Variants in SPICE1 observed in about 807,000 individuals in gnomAD.
The protein encoded by SPICE1 is spindle and centriole associated protein 1.
SPICE1 carries 75 observed loss-of-function variants against 102.7 expected under a neutral mutation model. The observed-to-expected ratio is 0.73, with a 90% CI of 0.61 to 0.88. The LOEUF (loss-of-function observed/expected upper bound fraction) is 0.88, where lower values mean the gene tolerates loss of function less well. Among genes scored for constraint, SPICE1 ranks in the 40% least tolerant of loss-of-function variants. The probability of loss-of-function intolerance (pLI) is 0.00; values close to 1 mark genes in which losing one functional copy is unlikely to be tolerated. For missense variants in SPICE1, 979 were observed against 1,020.1 expected, an observed-to-expected ratio of 0.96 and a Z score of 0.55; for synonymous variants, 308 against 350.3, an observed-to-expected ratio of 0.88 and a Z score of 1.35.
intron 7 of SPICE1, among the ~76,000 whole-genome samples, chr3:113,471,985 G>A (rs1318631695): frequency 6.6e-6 from 1 of 152,230 alleles, no homozygotes; most frequent in Non-Finnish European, 1.5e-5. Flanking sequence ...AGCAGGGCAA[G>A]GCATTGCCTC....
intron 7 of SPICE1, among the ~76,000 whole-genome samples, chr3:113,478,794 C>G (rs1463157286): frequency 2.0e-5 from 3 of 151,820 alleles, no homozygotes; most frequent in Non-Finnish European, 4.4e-5. Context: ...GAGTATATAC[C>G]TTCTTCTCAG....
chr3:113,446,648 A>C lies in SPICE1; in HGVS notation c.2455T>G (p.Ser819Ala). 1.2e-6 allele frequency: 2 copies of C among 1,613,712 alleles called. No homozygotes were observed. Among genetic ancestry groups the C allele is most frequent in the Non-Finnish European group, 1.7e-6 (2 of 1,179,778 alleles). The change falls in exon 17 of 18, where the codon TCT becomes GCT. Residue 819 changes from serine (S) to alanine (A), a missense_variant. Transcript: ENST00000295872. ...CTTCCTGAGGTGGCATTTAGTGGAG[A>C]ACAAGAATTACCAGTAGCCCCGGAA... ...RSSGATGNSC[S>A]PLNATSGSGR...
intron 7 of SPICE1, 75 bp from the exon 8 acceptor site, chr3:113,469,313 T>C (rs1559963463): frequency 1.0e-5 from 5 of 488,558 alleles, no homozygotes; most frequent in Non-Finnish European, 1.4e-5. Context: ...AATTAAATGA[T>C]AGCAGGCATT....
chr3:113,494,360 A>G (rs1418679779), intron 4 of SPICE1, among the ~76,000 whole-genome samples: 1 of 152,194 alleles, frequency 6.6e-6, no homozygotes, highest in Non-Finnish European at 1.5e-5. Context: ...AGAAATATTC[A>G]CAATTGGCCG....
In SPICE1 at chr3:113,468,878, G is replaced by C; in HGVS notation, c.773C>G (p.Ala258Gly). 1 of 1,613,064 alleles carries C rather than the reference G, an allele frequency of 6.2e-7. No individual in the cohort carries two copies. Among genetic ancestry groups the C allele is most frequent in the South Asian group, 1.1e-5 (1 of 90,712 alleles). ...AAGCCTGGTTTGGAGTCTCTTGACA[G>C]CATTGGTAGCATTCAGAGCAGCTAA... ...EQRAALNATN[A>G]VKRLQTRLQP... The change falls in exon 9 of 18, where the codon GCT becomes GGT. Residue 258 changes from alanine (A) to glycine (G), a missense_variant. By Grantham distance (60) the Ala-to-Gly change is moderately conservative (BLOSUM62 0). Coordinates refer to ENST00000295872, the MANE Select transcript of SPICE1 (RefSeq NM_144718.4).
At chr3:113,514,869 A>T (rs1937292670) in intron 1 of SPICE1, 28 bp downstream of exon 1, 2 of 1,214,690 alleles carry the variant, frequency 1.6e-6, no homozygotes, top group African/African-American at 1.6e-5. Flanking sequence ...ACGCACAAAC[A>T]TACCCAGACA....
At chr3:113,456,113 T>C (rs1935773343) in intron 13 of SPICE1, among the ~76,000 whole-genome samples, 1 of 152,218 alleles carries the variant, frequency 6.6e-6, no homozygotes, top group Non-Finnish European at 1.5e-5. Flanking sequence ...CATTGCACCA[T>C]ACTGATCTGA....
intron 7 of SPICE1, among the ~76,000 whole-genome samples, chr3:113,476,630 G>A (rs1256264137): frequency 4.6e-4 from 69 of 148,586 alleles, no homozygotes; most frequent in Admixed American, 4.0e-3. Context: ...AAATAACGCC[G>A]CATATCTACA....
In SPICE1 at chr3:113,468,319, A is replaced by G. The variant is rs1936111417; in HGVS notation, c.975T>C (p.Asn325=). 3.1e-6 allele frequency: 5 copies of G among 1,614,140 alleles called. No homozygotes were observed. The highest frequency in any genetic ancestry group is 1.6e-4 in the Middle Eastern group (1 of 6,062). Residue 325 remains asparagine (N), a synonymous_variant, in exon 10 of 18, where the codon AAT becomes AAC. Transcript: ENST00000295872. ...SGSTTSADLP[N]RTNSNLDVLK... Reference sequence around the variant, plus strand: ...GGACATCCAGGTTGGAATTAGTCCTATTTGGTAAGTCTGCAGAGGTTGTGC... The same window carrying G: ...GGACATCCAGGTTGGAATTAGTCCTGTTTGGTAAGTCTGCAGAGGTTGTGC...
At chr3:113,480,855 T>C (rs1010065617) in intron 7 of SPICE1, among the ~76,000 whole-genome samples, 2 of 110,746 alleles carry the variant, frequency 1.8e-5, no homozygotes, top group African/African-American at 8.0e-5. Flanking sequence ...CTGGCCAGGG[T>C]GACAGAGTGA....
At chr3:113,509,129 G>A (rs767602213) in intron 1 of SPICE1, among the ~76,000 whole-genome samples, 13 of 152,300 alleles carry the variant, frequency 8.5e-5, no homozygotes, top group South Asian at 2.1e-4. Flanking sequence ...TTTCTTTGGG[G>A]AGTGAAGAAA....
At chr3:113,455,866 G>A (rs747598978) in intron 13 of SPICE1, among the ~76,000 whole-genome samples, 23 of 152,302 alleles carry the variant, frequency 1.5e-4, no homozygotes, top group South Asian at 1.2e-3. Flanking sequence ...CATTTAGTAC[G>A]GTTGTGATCA....
At position 113,472,517 on chromosome 3, in the gene SPICE1, C is replaced by T. The variant is rs1462826067; in HGVS notation, c.612-3279G>A. ...CCCTGACCCCTGACCCCCGAGCAGC[C>T]TAACTAGGAGGCAACCCCCAGTAGG... On this transcript the variant is annotated intron_variant, in intron 7 of 17. Coordinates refer to ENST00000295872, the MANE Select transcript of SPICE1 (RefSeq NM_144718.4). 2.0e-5 allele frequency among the ~76,000 whole-genome samples: 3 copies of T among 152,240 alleles called. No homozygotes were observed. In the East Asian group the frequency reaches 5.8e-4, roughly 29 times the overall value.
Position 113,468,876 on chromosome 3 carries a change from C to T in SPICE1, c.775G>A (p.Val259Ile). 1 of 1,613,818 alleles carries T rather than the reference C, an allele frequency of 6.2e-7. No homozygotes were observed. The highest frequency in any genetic ancestry group is 8.5e-7 in the Non-Finnish European group (1 of 1,179,936). The part of the protein sequence containing the change: ...QRAALNATNA[V>I]KRLQTRLQPE... Reference sequence around the variant, plus strand: ...TGAAGCCTGGTTTGGAGTCTCTTGACAGCATTGGTAGCATTCAGAGCAGCT... The same window carrying T: ...TGAAGCCTGGTTTGGAGTCTCTTGATAGCATTGGTAGCATTCAGAGCAGCT... The change falls in exon 9 of 18, where the codon GTC (valine) becomes ATC (isoleucine). Residue 259 changes from valine (V) to isoleucine (I), a missense_variant. By Grantham distance (29) the Val-to-Ile change is conservative (BLOSUM62 3). Coordinates refer to ENST00000295872, the MANE Select transcript of SPICE1 (RefSeq NM_144718.4).
At chr3:113,504,571 CAAAAAAAA>C (rs71633321) in intron 2 of SPICE1, among the ~76,000 whole-genome samples, 2 of 67,850 alleles carry the variant, frequency 2.9e-5, no homozygotes, top group Admixed American at 1.8e-4. Context: ...GACCTTGTCT[CAAAAAAAA>C]AAAAAAAAAA....
intron 6 of SPICE1, among the ~76,000 whole-genome samples, chr3:113,491,185 G>T (rs1936755609): frequency 6.6e-6 from 1 of 152,130 alleles, no homozygotes; most frequent in African/African-American, 2.4e-5. Flanking sequence ...ATGTATCTTA[G>T]CATCTAGTGC....
chr3:113,488,006 A>G (rs1041960414), intron 7 of SPICE1, among the ~76,000 whole-genome samples: 5 of 152,200 alleles, frequency 3.3e-5, no homozygotes, highest in African/African-American at 1.2e-4. Context: ...CTAAGATTAG[A>G]TTTTAGAAGA....
chr3:113,495,557 C>T (rs1371491387), intron 4 of SPICE1, among the ~76,000 whole-genome samples: 1 of 152,194 alleles, frequency 6.6e-6, no homozygotes, highest in Admixed American at 6.5e-5. Flanking sequence ...CAGTCCCAGT[C>T]AACAACCCTT....
chr3:113,478,952 T>A (rs935166149), intron 7 of SPICE1, among the ~76,000 whole-genome samples: 2 of 152,166 alleles, frequency 1.3e-5, no homozygotes, highest in African/African-American at 2.4e-5. Flanking sequence ...AATTTTTTTT[T>A]AAATCTTCTA....
Sources: gnomAD v4.1 joint callset for allele counts (sites outside exome capture counted in the v4.1 genomes callset) on GRCh38, gnomAD v4.1.1 for gene constraint, MANE v1.5 for transcripts, NCBI Gene and HGNC (gene_info 2026-07-23, HGNC 2026-07-21) for gene names.